The following PLA2G4A variants were observed in gnomAD, a reference collection of about 807,000 sequenced individuals.
The protein encoded by PLA2G4A is phospholipase A2 group IVA, also known as cytosolic phospholipase A2.
In PLA2G4A, 40 loss-of-function variants were observed where a neutral mutation model predicts 81.9. The observed-to-expected ratio is 0.49, with a 90% CI of 0.38 to 0.64. The LOEUF (loss-of-function observed/expected upper bound fraction) is 0.64. Among genes scored for constraint, PLA2G4A ranks in the 30% least tolerant of loss-of-function variants. The pLI is 0.00. For synonymous variants in PLA2G4A, 302 were observed against 296.9 expected, an observed-to-expected ratio of 1.02 and a Z score of -0.18; for missense variants, 715 against 905.1, an observed-to-expected ratio of 0.79 and a Z score of 2.69.
intron 3 of PLA2G4A, 102 bp from the exon 4 acceptor site, chr1:186,892,909 T>G (rs1233931795): frequency 3.6e-6 from 3 of 835,540 alleles, no homozygotes; most frequent in East Asian, 5.0e-5. Context: ...AATACATCAC[T>G]ACAGATTCAT....
chr1:186,892,927 A>G, intron 3 of PLA2G4A, 84 bp from the exon 4 acceptor site: 1 of 947,874 alleles, frequency 1.1e-6, no homozygotes. Context: ...CATTGAGAAT[A>G]AACTGACAAC....
intron 1 of PLA2G4A, among the ~76,000 whole-genome samples, chr1:186,841,315 G>T (rs1651971213): frequency 6.6e-6 from 1 of 152,132 alleles, no homozygotes; most frequent in Admixed American, 6.5e-5. Flanking sequence ...TCATATCTTG[G>T]ATCTACTCTG....
intron 7 of PLA2G4A, among the ~76,000 whole-genome samples, chr1:186,922,575 G>A (rs980728551): frequency 3.3e-5 from 5 of 152,194 alleles, no homozygotes; most frequent in African/African-American, 9.7e-5. Context: ...GCTGGCCAGA[G>A]TCCCCTGCAG....
At chr1:186,838,680 G>A (rs756032400) in intron 1 of PLA2G4A, among the ~76,000 whole-genome samples, 1 of 152,206 alleles carries the variant, frequency 6.6e-6, no homozygotes, top group Non-Finnish European at 1.5e-5. Flanking sequence ...GTCCTTTGAA[G>A]TTCTGAATGA....
intron 17 of PLA2G4A, among the ~76,000 whole-genome samples, chr1:186,981,594 A>G (rs1365869370): frequency 1.3e-5 from 2 of 152,196 alleles, no homozygotes; most frequent in Admixed American, 6.5e-5. Flanking sequence ...TATCATTTTA[A>G]CCATTTTTAA....
At position 186,878,946 on chromosome 1, in the gene PLA2G4A, G is replaced by C. The variant is rs533036078; in HGVS notation, c.115+8430G>C. ...ATGTTCTTAAAGTGTTTATGTCTAA[G>C]AGAATACCTCTGCTGCTCTAAAAAT... On this transcript the variant is annotated intron_variant, in intron 3 of 17. Coordinates refer to ENST00000367466, the MANE Select transcript of PLA2G4A (RefSeq NM_024420.3). Among the ~76,000 whole-genome samples, 43 of 151,928 alleles carry C rather than the reference G, an allele frequency of 2.8e-4. No homozygotes were observed. In the East Asian group the frequency reaches 8.1e-3, roughly 29 times the overall value.
chr1:186,844,639 T>C (rs1352961651), intron 1 of PLA2G4A, among the ~76,000 whole-genome samples: 1 of 152,198 alleles, frequency 6.6e-6, no homozygotes, highest in Non-Finnish European at 1.5e-5. Flanking sequence ...TCTAGATCCC[T>C]GTTGGGGGAG....
chr1:186,955,429 T>C (rs1344115197), intron 13 of PLA2G4A, among the ~76,000 whole-genome samples: 1 of 152,088 alleles, frequency 6.6e-6, no homozygotes, highest in Non-Finnish European at 1.5e-5. Context: ...AACCACTGGA[T>C]TTTCTGTGTG....
intron 13 of PLA2G4A, among the ~76,000 whole-genome samples, chr1:186,955,388 A>G (rs1322369609): frequency 6.6e-6 from 1 of 152,144 alleles, no homozygotes; most frequent in Non-Finnish European, 1.5e-5. Flanking sequence ...AGATTTCTTA[A>G]GGTAACTTAA....
chr1:186,924,422 T>C (rs187712879), intron 7 of PLA2G4A, among the ~76,000 whole-genome samples: 2 of 152,334 alleles, frequency 1.3e-5, no homozygotes, highest in East Asian at 3.9e-4. Context: ...TCCTTACATT[T>C]TGAAACATTG....
At chr1:186,889,727 A>G (rs1314254239) in intron 3 of PLA2G4A, among the ~76,000 whole-genome samples, 1 of 151,720 alleles carries the variant, frequency 6.6e-6, no homozygotes, top group African/African-American at 2.4e-5. Context: ...AGAAACTATT[A>G]TTTTTGCTTT....
chr1:186,890,134 G>A (rs1654083551), intron 3 of PLA2G4A, among the ~76,000 whole-genome samples: 1 of 152,146 alleles, frequency 6.6e-6, no homozygotes, highest in Admixed American at 6.6e-5. Context: ...GTTATTTGTT[G>A]TTTTTGTTAT....
At chr1:186,934,443 C>CATATATATATATATAT (rs71571011) in intron 8 of PLA2G4A, among the ~76,000 whole-genome samples, 6,512 of 99,058 alleles carry the variant, frequency 0.066, 398 homozygotes, top group Middle Eastern at 0.14. Flanking sequence ...TAAATGTGCA[C>CATATATATATATATAT]ATATATATAT....
In PLA2G4A at chr1:186,921,130, T is replaced by C. The variant is rs1205405617; in HGVS notation, c.558+9741T>C. Among the ~76,000 whole-genome samples, 4 of 152,176 alleles carry C rather than the reference T, an allele frequency of 2.6e-5. No individual in the cohort carries two copies. In the South Asian group the frequency reaches 6.2e-4, roughly 24 times the overall value. ...TTTCTTTAGACCTTCTATTAATGCC[T>C]CACGGTACCGTCTTAGCCTTTCCAT... On this transcript the variant is annotated intron_variant, in intron 7 of 17. Transcript: ENST00000367466.
chr1:186,836,442 T>C (rs1411716657), intron 1 of PLA2G4A, among the ~76,000 whole-genome samples: 2 of 152,080 alleles, frequency 1.3e-5, no homozygotes, highest in Non-Finnish European at 2.9e-5. Context: ...GATGCTCTCA[T>C]ATAAATTTTA....
chr1:186,932,685 CAT>C (rs1655793881), intron 7 of PLA2G4A, 76 bp from the exon 8 acceptor site: 2 of 1,367,744 alleles, frequency 1.5e-6, no homozygotes, highest in Non-Finnish European at 2.1e-6. Flanking sequence ...GGATGTATAA[CAT>C]AAAGATTGAG....
chr1:186,937,253 AAGAGAGAGAG>A (rs58594192), intron 8 of PLA2G4A, among the ~76,000 whole-genome samples: 3 of 149,236 alleles, frequency 2.0e-5, no homozygotes, highest in African/African-American at 7.4e-5. Flanking sequence ...GAGACGGGAA[AAGAGAGAGAG>A]AGAGAGAGAG....
chr1:186,863,777 T>TTTG (rs759104881), intron 2 of PLA2G4A, among the ~76,000 whole-genome samples: 1,531 of 148,394 alleles, frequency 0.01, 21 homozygotes, highest in African/African-American at 0.037. Context: ...TTTTTTTTTT[T>TTTG]GGGGACAGAG....
chr1:186,945,655 C>T (rs1246767798), intron 10 of PLA2G4A, among the ~76,000 whole-genome samples: 1 of 152,044 alleles, frequency 6.6e-6, no homozygotes, highest in Non-Finnish European at 1.5e-5. Flanking sequence ...AAAAGAGAAC[C>T]ATCAAGGGTA....
Sources: gnomAD v4.1 joint callset for allele counts (sites outside exome capture counted in the v4.1 genomes callset) on GRCh38, gnomAD v4.1.1 for gene constraint, MANE v1.5 for transcripts, NCBI Gene and HGNC (gene_info 2026-07-23, HGNC 2026-07-21) for gene names.